NRXN3: variants seen among roughly 807,000 people sequenced by gnomAD.
NRXN3 encodes neurexin III.
In NRXN3, 32 loss-of-function variants were observed where a neutral mutation model predicts 137.6. The ratio of observed to expected loss-of-function variants is 0.23; its 90% CI spans 0.18 to 0.31. NRXN3 has a LOEUF of 0.31. Among genes scored for constraint, NRXN3 ranks in the 10% least tolerant of loss-of-function variants. The probability of loss-of-function intolerance (pLI) is 1.00; values close to 1 mark genes in which losing one functional copy is unlikely to be tolerated. For synonymous variants in NRXN3, 798 were observed against 784.5 expected (o/e 1.02, Z -0.29); for missense variants, 1,574 against 2,062.5 (o/e 0.76, Z 4.59).
chr14:78,940,354 G>GCA (rs1353692097), intron 10 of NRXN3, among the ~76,000 whole-genome samples: 1 of 152,026 alleles, frequency 6.6e-6, no homozygotes, highest in Non-Finnish European at 1.5e-5. Context: ...ATGTATATAT[G>GCA]CACACACACA....
intron 4 of NRXN3, among the ~76,000 whole-genome samples, chr14:78,363,110 G>A (rs2085381266): frequency 6.6e-6 from 1 of 152,108 alleles, no homozygotes; most frequent in South Asian, 2.1e-4. Context: ...GGTCATTCCT[G>A]CTGCAGGCTG....
chr14:79,766,838 A>C (rs1725377786), intron 19 of NRXN3, among the ~76,000 whole-genome samples: 3 of 152,224 alleles, frequency 2.0e-5, no homozygotes, highest in African/African-American at 7.2e-5. Context: ...AGATTGCCAC[A>C]TGCACAGAAT....
At position 78,616,512 on chromosome 14, in the gene NRXN3, C is replaced by T. The variant is rs554721755; in HGVS notation, c.758-28608C>T. On this transcript the variant is annotated intron_variant, in intron 4 of 20. Coordinates refer to ENST00000335750, the MANE Select transcript of NRXN3 (RefSeq NM_001330195.2). ...TCTTGTCTCCACGGAGTTTTTAGCA[C>T]GATTCAAAGTTACGTCCATCTGTAG... is the stretch of plus-strand genomic sequence containing the variant. Among the ~76,000 whole-genome samples, 148 of 152,290 alleles carry T rather than the reference C, an allele frequency of 9.7e-4. 1 individual carries two copies. The highest frequency in any genetic ancestry group is 3.3e-3 in the African/African-American group (136 of 41,566).
chr14:79,083,221 A>G (rs1329331506), intron 15 of NRXN3, among the ~76,000 whole-genome samples: 1 of 152,158 alleles, frequency 6.6e-6, no homozygotes, highest in Non-Finnish European at 1.5e-5. Context: ...TAACCATTCC[A>G]TTGCCAGTCA....
chr14:79,130,940 C>T lies in NRXN3; in HGVS notation c.3262+142799C>T, dbSNP rs924797372. Reference sequence around the variant, plus strand: ...TCATTTCATTCACTTCATCTTCCATCGCTGATACCCTTTCTTCCAGTTGAT... The same window carrying T: ...TCATTTCATTCACTTCATCTTCCATTGCTGATACCCTTTCTTCCAGTTGAT... On this transcript the variant is annotated intron_variant, in intron 15 of 20. Coordinates refer to ENST00000335750, the MANE Select transcript of NRXN3 (RefSeq NM_001330195.2). 3.1e-3 allele frequency among the ~76,000 whole-genome samples: 471 copies of T among 152,286 alleles called. 4 individuals carry two copies. The highest frequency in any genetic ancestry group is 4.2e-3 in the Non-Finnish European group (286 of 68,024).
At chr14:79,013,966 A>G (rs1216862258) in intron 15 of NRXN3, among the ~76,000 whole-genome samples, 1 of 152,196 alleles carries the variant, frequency 6.6e-6, no homozygotes. Context: ...TGGACTTCTC[A>G]AAGGACACTG....
chr14:79,492,214 T>C (rs556254347), intron 16 of NRXN3, among the ~76,000 whole-genome samples: 23 of 152,318 alleles, frequency 1.5e-4, no homozygotes, highest in African/African-American at 5.1e-4. Flanking sequence ...ATTTTAATAC[T>C]GAGAAAAATA....
At chr14:79,337,927 T>C (rs185946529) in intron 15 of NRXN3, among the ~76,000 whole-genome samples, 1 of 152,248 alleles carries the variant, frequency 6.6e-6, no homozygotes, top group East Asian at 1.9e-4. Context: ...TCTCCTCCCT[T>C]CTGATTGCTT....
chr14:79,470,069 G>T (rs1313238278), intron 16 of NRXN3, among the ~76,000 whole-genome samples: 1 of 152,054 alleles, frequency 6.6e-6, no homozygotes, highest in Non-Finnish European at 1.5e-5. Flanking sequence ...TTGTTTTCTT[G>T]TACTAAAGAA....
intron 15 of NRXN3, among the ~76,000 whole-genome samples, chr14:79,183,970 A>G (rs1167440639): frequency 6.6e-6 from 1 of 152,180 alleles, no homozygotes; most frequent in Non-Finnish European, 1.5e-5. Flanking sequence ...AACCACAGAG[A>G]GTCTTTCCAC....
At chr14:79,265,859 C>T (rs1413780055) in intron 15 of NRXN3, among the ~76,000 whole-genome samples, 2 of 152,178 alleles carry the variant, frequency 1.3e-5, no homozygotes. Context: ...TCTACCACCC[C>T]TGCCTTGTGA....
chr14:78,718,543 G>T (rs1344981374), intron 8 of NRXN3, among the ~76,000 whole-genome samples: 1 of 152,166 alleles, frequency 6.6e-6, no homozygotes. Flanking sequence ...CTGGGAAGTA[G>T]AAAGTGTGTA....
chr14:79,300,262 C>T (rs887676033), intron 15 of NRXN3, among the ~76,000 whole-genome samples: 1 of 152,104 alleles, frequency 6.6e-6, no homozygotes, highest in Non-Finnish European at 1.5e-5. Flanking sequence ...GCACAGTGTG[C>T]TTTCTACCAG....
At chr14:79,538,679 T>A (rs1009705554) in intron 16 of NRXN3, among the ~76,000 whole-genome samples, 3 of 152,050 alleles carry the variant, frequency 2.0e-5, no homozygotes, top group African/African-American at 7.2e-5. Flanking sequence ...TTTTCTCCCA[T>A]TCTCTAGGTT....
At chr14:79,725,659 C>T (rs1415705043) in intron 19 of NRXN3, among the ~76,000 whole-genome samples, 1 of 152,108 alleles carries the variant, frequency 6.6e-6, no homozygotes, top group African/African-American at 2.4e-5. Flanking sequence ...AGTGGTATAT[C>T]CCAGGCACGT....
chr14:78,945,326 TATCTC>T (rs2099362986), intron 10 of NRXN3, among the ~76,000 whole-genome samples: 3 of 152,336 alleles, frequency 2.0e-5, no homozygotes, highest in East Asian at 3.9e-4. Flanking sequence ...GTTTCTTTCT[TATCTC>T]ATTTTATCTG....
chr14:78,748,281 C>G (rs1157722815), intron 8 of NRXN3, among the ~76,000 whole-genome samples: 1 of 152,048 alleles, frequency 6.6e-6, no homozygotes, highest in Non-Finnish European at 1.5e-5. Context: ...GGCTAGGAGT[C>G]AGCCATGGGA....
intron 10 of NRXN3, among the ~76,000 whole-genome samples, chr14:78,811,936 T>C (rs2153100740): frequency 6.6e-6 from 1 of 152,334 alleles, no homozygotes; most frequent in South Asian, 2.1e-4. Context: ...ATTTAGATCA[T>C]TAAAAGCCTA....
At position 79,267,766 on chromosome 14, in the gene NRXN3, A is replaced by C. The variant is rs576958471; in HGVS notation, c.3263-199455A>C. Reference sequence around the variant, plus strand: ...CCCAAACTGCTGGGTGAGCTACCACACCCAGCTGAGATCATTTAATTTTTG... The same window carrying C: ...CCCAAACTGCTGGGTGAGCTACCACCCCCAGCTGAGATCATTTAATTTTTG... On this transcript the variant is annotated intron_variant, in intron 15 of 20. Coordinates refer to ENST00000335750, the MANE Select transcript of NRXN3 (RefSeq NM_001330195.2). Among the ~76,000 whole-genome samples the C allele has an allele frequency of 2.4e-3, 371 of 152,316 alleles. 1 individual carries two copies. The highest frequency in any genetic ancestry group is 8.3e-3 in the African/African-American group (346 of 41,578).
Sources: allele counts gnomAD v4.1 joint callset (sites outside exome capture counted in the v4.1 genomes callset), GRCh38; gene constraint gnomAD v4.1.1; transcripts MANE v1.5; gene names NCBI Gene and HGNC (gene_info 2026-07-23, HGNC 2026-07-21).